Variants in BROX observed in about 807,000 individuals in gnomAD.
BROX encodes BRO1 domain and CAAX motif containing.
BROX carries 53 observed loss-of-function variants against 61.0 expected under a neutral mutation model. That is an observed-to-expected ratio of 0.87 (90% CI 0.70 to 1.09). The LOEUF (loss-of-function observed/expected upper bound fraction) is 1.09. Ranked by LOEUF, BROX falls within the 50% of genes least tolerant of loss-of-function variation. The probability of loss-of-function intolerance (pLI) is 0.00; values close to 1 mark genes in which losing one functional copy is unlikely to be tolerated. For missense variants in BROX, 489 were observed against 472.0 expected (o/e 1.04, Z -0.33); for synonymous variants, 152 against 160.2 (o/e 0.95, Z 0.38).
chr1:222,720,970 G>C (rs1476775559), intron 4 of BROX, among the ~76,000 whole-genome samples: 2 of 152,172 alleles, frequency 1.3e-5, no homozygotes, highest in Non-Finnish European at 2.9e-5. Context: ...TTACTCAGTG[G>C]AAATCGTGTT....
intron 5 of BROX, among the ~76,000 whole-genome samples, chr1:222,723,700 A>G (rs1002860812): frequency 3.9e-5 from 6 of 152,060 alleles, no homozygotes; most frequent in African/African-American, 1.2e-4. Flanking sequence ...GGGGGGATGG[A>G]GTGCCGCTCT....
chr1:222,730,134 G>A lies in BROX; in HGVS notation c.946G>A (p.Val316Met), dbSNP rs1657827776. The stretch of plus-strand genomic sequence containing the variant: ...GTTCTTTAGGAAACTTGGAAACCTT[G>A]TGAAGAACACCCTAGAAAAATGTCA... ...HLFFRKLGNLVKNTLEKCQRE... is the reference protein window; with the variant it reads ...HLFFRKLGNLMKNTLEKCQRE... Residue 316 changes from valine to methionine, a missense_variant, in exon 11 of 13, where the codon GTG (valine) becomes ATG (methionine). Transcript: ENST00000340934. 2 of 1,612,152 alleles carry A rather than the reference G, an allele frequency of 1.2e-6. No individual in the cohort carries two copies. The highest frequency in any genetic ancestry group is 1.7e-6 in the Non-Finnish European group (2 of 1,178,858).
intron 4 of BROX, among the ~76,000 whole-genome samples, chr1:222,721,147 T>C (rs568147555): frequency 6.6e-6 from 1 of 152,340 alleles, no homozygotes; most frequent in South Asian, 2.1e-4. Context: ...CAAACTGTTA[T>C]ATTATTTAAA....
chr1:222,731,646 G>GC, intron 12 of BROX, 130 bp downstream of exon 12: 1 of 920,248 alleles, frequency 1.1e-6, no homozygotes, highest in Non-Finnish European at 1.6e-6. Context: ...TAGTTATATA[G>GC]TGCTTAATGT....
intron 1 of BROX, chr1:222,713,203 G>A (rs1656198005): frequency 1.0e-6 from 1 of 985,078 alleles, no homozygotes; most frequent in Non-Finnish European, 1.2e-6. Context: ...TATAATACAA[G>A]CTAAACTGGG....
chr1:222,731,062 C>A (rs945414274), intron 11 of BROX, among the ~76,000 whole-genome samples: 1 of 152,148 alleles, frequency 6.6e-6, no homozygotes, highest in Non-Finnish European at 1.5e-5. Flanking sequence ...GAGCTTTTCA[C>A]TTCCTTAAGC....
At chr1:222,714,770 G>A (rs1656447590) in intron 1 of BROX, among the ~76,000 whole-genome samples, 1 of 151,344 alleles carries the variant, frequency 6.6e-6, no homozygotes, top group Non-Finnish European at 1.5e-5. Context: ...TGTAGAGACC[G>A]GGTCTCACCA....
chr1:222,721,006 T>C (rs1211937142), intron 4 of BROX, among the ~76,000 whole-genome samples: 1 of 152,164 alleles, frequency 6.6e-6, no homozygotes, highest in African/African-American at 2.4e-5. Flanking sequence ...CTGAAAAATA[T>C]TTTTTCCATT....
rs961516230 is a variant in BROX at position 222,722,336 on chromosome 1, A to AT, written c.306-79dup. The AT allele has an allele frequency of 5.2e-6, 6 of 1,147,992 alleles. No individual in the cohort carries two copies. The African/African-American group carries it at 7.7e-5, about 15-fold the overall frequency. The allele number at this position is 1,147,992 out of a possible 1,614,324, so 71.1% of individuals were successfully genotyped here. ...ACCAGTTAGCATATACTTCTTTGTA[A>AT]TTTTGAGTCGGATATCCAGTAGGCT... On this transcript the variant is annotated intron_variant, in intron 4 of 12. Transcript: ENST00000340934.
intron 5 of BROX, among the ~76,000 whole-genome samples, chr1:222,723,888 G>T (rs764525805): frequency 2.0e-5 from 3 of 152,128 alleles, no homozygotes; most frequent in Non-Finnish European, 4.4e-5. Flanking sequence ...CAAACTTCTG[G>T]CCTCAAGCAA....
In BROX at chr1:222,712,611, C is replaced by T. The variant is rs1656134423; in HGVS notation, c.-348C>T. 2.2e-6 allele frequency: 3 copies of T among 1,340,982 alleles called. No homozygotes were observed. Among genetic ancestry groups the T allele is most frequent in the Admixed American group, 5.0e-5 (2 of 39,656 alleles). The allele number at this position is 1,340,982 out of a possible 1,614,324, so 83.1% of individuals were successfully genotyped here. On this transcript the variant is annotated 5_prime_UTR_variant, in exon 1 of 13. Transcript: ENST00000340934. ...CTATTGCGGCATTCTCCCTCGGCTCCGGAGGTAGGGGCAACTCTTCTCTTC... is the reference window on the plus strand; with the variant it reads ...CTATTGCGGCATTCTCCCTCGGCTCTGGAGGTAGGGGCAACTCTTCTCTTC...
Position 222,729,904 on chromosome 1 carries a change from G to T in BROX, c.839-123G>T. ...ACCTTCTACTTACAGTATTATTATT[G>T]GTATTGCTATTATATTAGGTAAAGA... On this transcript the variant is annotated intron_variant, in intron 10 of 12. Transcript: ENST00000340934. The T allele has an allele frequency of 3.9e-6, 4 of 1,019,164 alleles. No homozygotes were observed. In the Admixed American group the frequency reaches 9.6e-5, roughly 24 times the overall value. 63.1% of individuals were successfully genotyped at this position (1,019,164 alleles called of 1,614,324 possible).
At chr1:222,721,399 A>G (rs1028056133) in intron 4 of BROX, among the ~76,000 whole-genome samples, 13 of 150,644 alleles carry the variant, frequency 8.6e-5, no homozygotes, top group Non-Finnish European at 1.6e-4. Context: ...TCATTTAAAA[A>G]GTTGCCATAT....
Position 222,719,306 on chromosome 1 carries a change from A to T in BROX, c.252A>T (p.Leu84Phe). Residue 84 changes from leucine (L) to phenylalanine (F), a missense_variant, in exon 4 of 13, where the codon TTA becomes TTT. Transcript: ENST00000340934. ...ATGAATCTACCCAAGAAAGCAAGTT[A>T]CGATATATTCAAAATTTCAAGTGGA... is the stretch of plus-strand genomic sequence containing the variant. Reference protein sequence around the residue: ...SLDESTQESKLRYIQNFKWTD... With the variant: ...SLDESTQESKFRYIQNFKWTD... 1 of 1,609,136 alleles carries T rather than the reference A, an allele frequency of 6.2e-7. No individual in the cohort carries two copies. The highest frequency in any genetic ancestry group is 2.2e-5 in the East Asian group (1 of 44,774).
rs76202763 is a variant in BROX at position 222,713,005 on chromosome 1, A to G, written c.-17+63A>G. On this transcript the variant is annotated intron_variant, in intron 1 of 12. Coordinates refer to ENST00000340934, the MANE Select transcript of BROX (RefSeq NM_144695.4). The stretch of plus-strand genomic sequence containing the variant: ...CCCCCGCTACTTCCCCGGAGTCTCA[A>G]GCAATAGGATCACCCCCTTTTACAT... The G allele has an allele frequency of 1.5e-4, 177 of 1,172,244 alleles. No individual in the cohort carries two copies. The African/African-American group carries it at 2.7e-3, about 18-fold the overall frequency. The allele number at this position is 1,172,244 out of a possible 1,614,324, so 72.6% of individuals were successfully genotyped here. A position where few individuals can be genotyped will look rare whatever the true frequency, so the allele number is the denominator to read the frequency against.
intron 1 of BROX, chr1:222,713,582 C>T (rs1656254745): frequency 2.7e-6 from 1 of 373,258 alleles, no homozygotes; most frequent in Non-Finnish European, 3.7e-6. Context: ...TTCTATCCCA[C>T]CCTAGGAACT....
chr1:222,728,351 G>A (rs1657666031), intron 8 of BROX, among the ~76,000 whole-genome samples: 1 of 152,228 alleles, frequency 6.6e-6, no homozygotes, highest in Admixed American at 6.5e-5. Context: ...TCAGTGATGG[G>A]GGTAGAGAGG....
chr1:222,722,313 C>T (rs1657160757), intron 4 of BROX, 106 bp from the exon 5 acceptor site: 13 of 858,606 alleles, frequency 1.5e-5, no homozygotes, highest in Middle Eastern at 2.4e-4. Flanking sequence ...TCATACATAC[C>T]AGTTAGCATA....
chr1:222,724,196 T>G, intron 6 of BROX, 32 bp downstream of exon 6: 1 of 1,520,590 alleles, frequency 6.6e-7, no homozygotes, highest in Admixed American at 1.9e-5. Context: ...CATTATTTGT[T>G]CTTAATGCTT....
Sources: gnomAD v4.1 joint callset for allele counts (sites outside exome capture counted in the v4.1 genomes callset) on GRCh38, gnomAD v4.1.1 for gene constraint, MANE v1.5 for transcripts, NCBI Gene and HGNC (gene_info 2026-07-23, HGNC 2026-07-21) for gene names.